CDKN3: variants seen among roughly 807,000 people sequenced by gnomAD.
CDKN3 encodes cyclin dependent kinase inhibitor 3, also known as cyclin-dependent kinase inhibitor 3.
A neutral mutation model predicts 36.1 loss-of-function variants in CDKN3; 19 were observed. The observed-to-expected ratio is 0.53, with a 90% CI of 0.37 to 0.77. The LOEUF is 0.77. CDKN3 is among the 30% of genes least tolerant of loss of function. The pLI, the probability that CDKN3 is intolerant of heterozygous loss-of-function variation, is 0.00. For missense variants in CDKN3, 188 were observed against 248.6 expected, an observed-to-expected ratio of 0.76 and a Z score of 1.64; for synonymous variants, 71 against 85.3, an observed-to-expected ratio of 0.83 and a Z score of 0.92.
chr14:54,415,450 TGCTCCAGA>T (rs1343359464), intron 5 of CDKN3, among the ~76,000 whole-genome samples: 1 of 152,264 alleles, frequency 6.6e-6, no homozygotes, highest in Non-Finnish European at 1.5e-5. Flanking sequence ...CAGGCAGTGG[TGCTCCAGA>T]GCCCATGCTC....
intron 1 of CDKN3, among the ~76,000 whole-genome samples, chr14:54,398,004 G>C (rs1372939921): frequency 6.6e-6 from 1 of 152,174 alleles, no homozygotes; most frequent in Non-Finnish European, 1.5e-5. Flanking sequence ...GGTAGTGCAC[G>C]CCTGTAGTCC....
chr14:54,413,964 G>A, intron 5 of CDKN3: 5 of 378,732 alleles, frequency 1.3e-5, no homozygotes, highest in Non-Finnish European at 2.1e-5. Context: ...CTGAGACTGA[G>A]GAGAGTCCTT....
Position 54,408,807 on chromosome 14 carries a change from C to G in CDKN3, c.193+18C>G, listed in dbSNP as rs1356323595. 6.5e-7 allele frequency: 1 copy of G among 1,548,406 alleles called. No homozygotes were observed. The highest frequency in any genetic ancestry group is 2.4e-5 in the East Asian group (1 of 42,440). On this transcript the variant is annotated intron_variant, in intron 4 of 7. Transcript: ENST00000335183. Reference sequence around the variant, plus strand: ...AGATACAGGTAGGTATAATATCACGCAACCACACTCATGGGTTTTTTAAAT... The same window carrying G: ...AGATACAGGTAGGTATAATATCACGGAACCACACTCATGGGTTTTTTAAAT...
At chr14:54,416,816 CAAAAG>C (rs984780518) in intron 6 of CDKN3, among the ~76,000 whole-genome samples, 1 of 151,902 alleles carries the variant, frequency 6.6e-6, no homozygotes, top group African/African-American at 2.4e-5. Context: ...TCGTCTCTCT[CAAAAG>C]AAAAAATAAT....
chr14:54,413,687 A>G, intron 5 of CDKN3: 11 of 1,535,202 alleles, frequency 7.2e-6, no homozygotes, highest in Non-Finnish European at 9.6e-6. Context: ...CTAGACAGCT[A>G]TAGAGCTTAT....
Position 54,411,512 on chromosome 14 carries a change from CA to C in CDKN3, c.223del (p.Ile75TyrfsTer42). 1 of 1,613,686 alleles carries C rather than the reference CA, an allele frequency of 6.2e-7. No individual in the cohort carries two copies. Among genetic ancestry groups the C allele is most frequent in the Non-Finnish European group, 8.5e-7 (1 of 1,179,966 alleles). ...EELKSCGIQD[I>X]FVFCTRGELS... is the part of the protein sequence containing the mutation. ...AACTAAAGAGCTGTGGTATACAAGACATATTTGTTTTCTGCACCAGAGGGGA... is the reference window on the plus strand; with the variant it reads ...AACTAAAGAGCTGTGGTATACAAGACTATTTGTTTTCTGCACCAGAGGGGA... On this transcript the variant is annotated frameshift_variant, in exon 5 of 8. Transcript: ENST00000335183. LOFTEE classifies it high-confidence loss of function.
chr14:54,398,785 T>C (rs1886390844), intron 1 of CDKN3, among the ~76,000 whole-genome samples: 1 of 152,164 alleles, frequency 6.6e-6, no homozygotes, highest in South Asian at 2.1e-4. Context: ...TCAATCTCTC[T>C]AGTCTAGTGA....
intron 3 of CDKN3, among the ~76,000 whole-genome samples, chr14:54,406,137 AT>A (rs1318490963): frequency 5.9e-5 from 9 of 151,968 alleles, no homozygotes; most frequent in Non-Finnish European, 1.2e-4. Context: ...GTTGAAAATT[AT>A]TTTCTTTAAG....
chr14:54,398,837 C>T (rs928136332), intron 1 of CDKN3, among the ~76,000 whole-genome samples: 3 of 152,148 alleles, frequency 2.0e-5, no homozygotes, highest in Non-Finnish European at 2.9e-5. Flanking sequence ...ACACCACCCC[C>T]ACCAAACTAC....
At chr14:54,398,617 T>A (rs909908088) in intron 1 of CDKN3, among the ~76,000 whole-genome samples, 1 of 152,228 alleles carries the variant, frequency 6.6e-6, no homozygotes, top group Non-Finnish European at 1.5e-5. Context: ...TGGTTTCAAC[T>A]AGGGAGTGAG....
chr14:54,412,703 A>AT (rs1307455063), intron 5 of CDKN3: 1 of 337,872 alleles, frequency 3.0e-6, no homozygotes, highest in African/African-American at 2.1e-5. Context: ...GGCGATGTGG[A>AT]TAAAAAACAA....
At chr14:54,398,158 T>G (rs1886373091) in intron 1 of CDKN3, among the ~76,000 whole-genome samples, 1 of 152,034 alleles carries the variant, frequency 6.6e-6, no homozygotes, top group East Asian at 1.9e-4. Context: ...GAAAAAAAAG[T>G]CCGTAGCCTA....
chr14:54,409,174 A>G (rs773292036), intron 4 of CDKN3, among the ~76,000 whole-genome samples: 28 of 152,170 alleles, frequency 1.8e-4, no homozygotes, highest in Non-Finnish European at 3.2e-4. Context: ...ACTCCAAGTT[A>G]GCAGTGAAAT....
Position 54,420,135 on chromosome 14 carries a change from T to C in CDKN3, c.*57T>C. ...CTGAAATGTCAGTTCTCTAGCATAA[T>C]TTGTATTGAAATGAAACCACCAGTG... On this transcript the variant is annotated 3_prime_UTR_variant, in exon 8 of 8. Coordinates refer to ENST00000335183, the MANE Select transcript of CDKN3 (RefSeq NM_005192.4). 1 of 1,012,982 alleles carries C rather than the reference T, an allele frequency of 9.9e-7. No individual in the cohort carries two copies. Among genetic ancestry groups the C allele is most frequent in the South Asian group, 1.4e-5 (1 of 69,372 alleles). The allele number at this position is 1,012,982 out of a possible 1,614,324, so 62.7% of individuals were successfully genotyped here. A position where few individuals can be genotyped will look rare whatever the true frequency, so the allele number is the denominator to read the frequency against.
intron 4 of CDKN3, chr14:54,411,205 G>A (rs1484372049): frequency 2.8e-6 from 1 of 351,404 alleles, no homozygotes; most frequent in Admixed American, 4.6e-5. Context: ...AAAGAGGGGG[G>A]GTTATTTTAA....
At chr14:54,418,408 A>T (rs1453898532) in intron 7 of CDKN3, 1 of 624,940 alleles carries the variant, frequency 1.6e-6, no homozygotes, top group African/African-American at 1.8e-5. Flanking sequence ...TAATACAAAA[A>T]ATGGAAAGCA....
At chr14:54,418,332 CA>C (rs34303760) in intron 7 of CDKN3, 29 of 677,816 alleles carry the variant, frequency 4.3e-5, no homozygotes, top group Admixed American at 1.6e-4. Flanking sequence ...GATTCTTGGC[CA>C]AAAAAAATCT....
rs141777990 is a variant in CDKN3, at chr14:54,413,830, T to C, written c.417-2069T>C. On this transcript the variant is annotated intron_variant, in intron 5 of 7. Transcript: ENST00000335183. ...AACACTGCTTGCCTACTGTATTTTG[T>C]AGTTTCTTGGGGCTATTGTAACAAA... The C allele has an allele frequency of 3.1e-4, 430 of 1,404,324 alleles. 3 individuals carry two copies. In the East Asian group the frequency reaches 9.9e-3, roughly 32 times the overall value. The allele number at this position is 1,404,324 out of a possible 1,614,324, so 87.0% of individuals were successfully genotyped here. A position where few individuals can be genotyped will look rare whatever the true frequency, so the allele number is the denominator to read the frequency against.
chr14:54,415,668 T>C (rs2030512596), intron 5 of CDKN3, among the ~76,000 whole-genome samples: 1 of 152,236 alleles, frequency 6.6e-6, no homozygotes, highest in South Asian at 2.1e-4. Context: ...AAGAGGTCAA[T>C]AAGAAGACTC....
Sources: gnomAD v4.1 joint callset for allele counts (sites outside exome capture counted in the v4.1 genomes callset) on GRCh38, gnomAD v4.1.1 for gene constraint, MANE v1.5 for transcripts, NCBI Gene and HGNC (gene_info 2026-07-23, HGNC 2026-07-21) for gene names.